The following DHX29 variants were observed in gnomAD, a reference collection of about 807,000 sequenced individuals.
DHX29 encodes ATP-dependent RNA helicase DHX29.
DHX29 carries 79 observed loss-of-function variants against 167.9 expected under a neutral mutation model. The observed-to-expected ratio is 0.47, with a 90% CI of 0.39 to 0.57. The LOEUF is 0.57. Among genes scored for constraint, DHX29 ranks in the 20% least tolerant of loss-of-function variants. DHX29 has a pLI of 0.00. For missense variants in DHX29, 1,347 were observed against 1,593.4 expected (o/e 0.85, Z 2.63); for synonymous variants, 530 against 546.0 (o/e 0.97, Z 0.41).
rs184786606 is a variant in DHX29 at position 55,256,899 on chromosome 5, T to G, written c.4058-359A>C. ...AAGTAAGTTTCTCAACTTTTTCACT[T>G]GGCTGCAATATACTGAAGGCTCTAC... is the stretch of plus-strand genomic sequence containing the variant. On this transcript the variant is annotated intron_variant, in intron 26 of 26. Transcript: ENST00000251636. Among the ~76,000 whole-genome samples the G allele has an allele frequency of 1.3e-3, 204 of 152,348 alleles. 2 individuals are homozygous for G. In the Middle Eastern group the frequency reaches 0.024, roughly 18 times the overall value.
At chr5:55,290,444 C>T (rs1452735885) in intron 6 of DHX29, 100 bp from the exon 7 acceptor site, 6 of 1,357,134 alleles carry the variant, frequency 4.4e-6, no homozygotes, top group Non-Finnish European at 5.9e-6. Flanking sequence ...ATATTTTTAC[C>T]TTATCCTTTG....
At chr5:55,256,588 A>C (rs76296338) in intron 26 of DHX29, 48 bp from the exon 27 acceptor site, 1 of 1,556,012 alleles carries the variant, frequency 6.4e-7, no homozygotes, top group Non-Finnish European at 8.6e-7. Flanking sequence ...AACATTGTCT[A>C]ATTTTCCAAG....
intron 24 of DHX29, among the ~76,000 whole-genome samples, chr5:55,262,225 G>C (rs543045254): frequency 2.6e-4 from 39 of 152,210 alleles, no homozygotes; most frequent in Admixed American, 5.9e-4. Context: ...GGTGATACTT[G>C]ACCGAAACTG....
rs140130739 is a variant in DHX29 at position 55,285,822 on chromosome 5, T to C, written c.1106A>G (p.Tyr369Cys). The stretch of plus-strand genomic sequence containing the variant: ...TTTTCCAGTCCAACTTCGAGCAGTA[T>C]AGTCAAAATTTCTTACATCATGAGG... ...KEPHDVRNFD[Y>C]TARSWTGKSP... The change falls in exon 9 of 27, where the codon TAT becomes TGT. Residue 369 changes from tyrosine to cysteine, a missense_variant. By Grantham distance (194) the Tyr-to-Cys change is radical. Around this residue, in one of 3 missense-constraint regions of DHX29, gnomAD observed 60 missense variants for 94.2 expected, o/e 0.64. Transcript: ENST00000251636. The C allele has an allele frequency of 2.8e-5, 45 of 1,590,750 alleles. 1 individual carries two copies. Among genetic ancestry groups the C allele is most frequent in the Admixed American group, 8.6e-5 (5 of 58,344 alleles).
chr5:55,256,576 G>T, intron 26 of DHX29, 36 bp from the exon 27 acceptor site: 1 of 1,562,312 alleles, frequency 6.4e-7, no homozygotes, highest in Non-Finnish European at 8.6e-7. Flanking sequence ...ACGAATAAAT[G>T]CAACATTGTC....
Position 55,305,534 on chromosome 5 carries a change from C to G in DHX29, c.187+1853G>C, listed in dbSNP as rs193019946. 1.9e-4 allele frequency among the ~76,000 whole-genome samples: 29 copies of G among 152,290 alleles called. No individual in the cohort carries two copies. In the South Asian group the frequency reaches 6.0e-3, roughly 32 times the overall value. ...CCATGGAAGAAAATAGGAAGTGTTA[C>G]GACCAAAGCAGCATTTCTGGAAGAT... On this transcript the variant is annotated intron_variant, in intron 1 of 26. Transcript: ENST00000251636.
intron 16 of DHX29, among the ~76,000 whole-genome samples, chr5:55,274,065 C>T (rs989563498): frequency 3.4e-5 from 5 of 146,184 alleles, no homozygotes; most frequent in Admixed American, 7.0e-5. Context: ...CCAGCCTGGC[C>T]GACAGAGCAA....
chr5:55,294,536 G>A (rs1579811530), intron 5 of DHX29, among the ~76,000 whole-genome samples: 1 of 152,248 alleles, frequency 6.6e-6, no homozygotes, highest in Non-Finnish European at 1.5e-5. Context: ...TTAGCCATGC[G>A]TGGTGGAGGG....
intron 1 of DHX29, among the ~76,000 whole-genome samples, chr5:55,298,979 G>A (rs62359221): frequency 0.14 from 19,849 of 145,660 alleles, 1,646 homozygotes; most frequent in East Asian, 0.26. Flanking sequence ...GCAGTGAGCC[G>A]AGATTGCGCC....
At position 55,307,675 on chromosome 5, in the gene DHX29, C is replaced by G; in HGVS notation, c.-102G>C. 1.4e-6 allele frequency: 2 copies of G among 1,450,558 alleles called. No individual in the cohort carries two copies. Among genetic ancestry groups the G allele is most frequent in the African/African-American group, 1.4e-5 (1 of 70,376 alleles). The allele number at this position is 1,450,558 out of a possible 1,614,324, so 89.9% of individuals were successfully genotyped here. A position where few individuals can be genotyped will look rare whatever the true frequency, so the allele number is the denominator to read the frequency against. On this transcript the variant is annotated 5_prime_UTR_variant, in exon 1 of 27. Transcript: ENST00000251636. ...CCCCGGCTCCGGGGCTGCCACCCTG[C>G]GCTTCGATCCGGGCTTCTCGGGCCG...
chr5:55,288,459 T>A (rs1399463262), intron 8 of DHX29, among the ~76,000 whole-genome samples: 3 of 151,168 alleles, frequency 2.0e-5, no homozygotes, highest in Admixed American at 6.6e-5. Flanking sequence ...ACTATTATTT[T>A]AAAAAAATAA....
At chr5:55,281,591 G>T in intron 11 of DHX29, 76 bp from the exon 12 acceptor site, 1 of 1,131,510 alleles carries the variant, frequency 8.8e-7, no homozygotes, top group Non-Finnish European at 1.2e-6. Context: ...GTGAAGCAGA[G>T]GTGCTGATCT....
At chr5:55,294,551 T>A (rs1304927780) in intron 5 of DHX29, among the ~76,000 whole-genome samples, 1 of 152,160 alleles carries the variant, frequency 6.6e-6, no homozygotes, top group Non-Finnish European at 1.5e-5. Context: ...GGAGGGTGCC[T>A]GTAGTCCCAG....
Position 55,275,789 on chromosome 5 carries a change from G to GTCTA in DHX29, c.2427+473_2427+476dup, listed in dbSNP as rs759980789. ...TGTATGTATGTGTGTGTGTCTGTCT[G>GTCTA]TCTATCTATCTATCTATCACTATCT... On this transcript the variant is annotated intron_variant, in intron 14 of 26. Coordinates refer to ENST00000251636, the MANE Select transcript of DHX29 (RefSeq NM_019030.4). Among the ~76,000 whole-genome samples the GTCTA allele has an allele frequency of 8.9e-3, 1,347 of 152,000 alleles. 8 individuals are homozygous for GTCTA. The highest frequency in any genetic ancestry group is 0.027 in the Middle Eastern group (8 of 292).
chr5:55,295,680 T>C (rs1748284572), intron 4 of DHX29, among the ~76,000 whole-genome samples, 156 bp from the exon 5 acceptor site: 2 of 152,238 alleles, frequency 1.3e-5, no homozygotes, highest in African/African-American at 4.8e-5. Flanking sequence ...AAGATGAACC[T>C]GGTTTTATCC....
At position 55,267,179 on chromosome 5, in the gene DHX29, G is replaced by A. The variant is rs200476958; in HGVS notation, c.3484C>T (p.Arg1162Trp). Residue 1162 changes from arginine to tryptophan, a missense_variant, in exon 23 of 27, where the codon CGG becomes TGG. Physicochemically the swap from Arg to Trp is moderately radical, Grantham distance 101. Around this residue, in one of 3 missense-constraint regions of DHX29, gnomAD observed 882 missense variants for 1,082.4 expected, o/e 0.81. Transcript: ENST00000251636. The stretch of plus-strand genomic sequence containing the variant: ...GATGTTCTATTAAGAAAGTTCCTCC[G>A]GCAGTATGTGATTTCAGAACGATAA... ...GGYRSEITYCRRNFLNRTSLL... is the reference protein window; with the variant it reads ...GGYRSEITYCWRNFLNRTSLL... 127 of 1,612,782 alleles carry A rather than the reference G, an allele frequency of 7.9e-5. No individual in the cohort carries two copies. The highest frequency in any genetic ancestry group is 9.4e-5 in the African/African-American group (7 of 74,840).
intron 21 of DHX29, among the ~76,000 whole-genome samples, chr5:55,269,109 G>A (rs1746721525): frequency 6.6e-6 from 1 of 151,840 alleles, no homozygotes; most frequent in Non-Finnish European, 1.5e-5. Flanking sequence ...AGCCAGGTGT[G>A]GTGGCACGTG....
intron 14 of DHX29, 39 bp downstream of exon 14, chr5:55,276,227 T>A (rs1698298877): frequency 6.6e-7 from 1 of 1,510,178 alleles, no homozygotes. Flanking sequence ...AGGCCCTGGA[T>A]ATCATTATCT....
At chr5:55,258,893 A>G (rs1249368550) in intron 26 of DHX29, among the ~76,000 whole-genome samples, 1 of 152,184 alleles carries the variant, frequency 6.6e-6, no homozygotes, top group African/African-American at 2.4e-5. Flanking sequence ...TTTATTTTAT[A>G]CAGAGAAATA....
Sources: gnomAD v4.1 joint callset for allele counts (sites outside exome capture counted in the v4.1 genomes callset) on GRCh38, gnomAD v4.1.1 for gene constraint, gnomAD v4.1.1 regional missense constraint, MANE v1.5 for transcripts, NCBI Gene and HGNC (gene_info 2026-07-23, HGNC 2026-07-21) for gene names.